FER: variants seen among roughly 807,000 people sequenced by gnomAD.
FER encodes FER tyrosine kinase.
In FER, 63 loss-of-function variants were observed where a neutral mutation model predicts 111.0. The observed-to-expected ratio is 0.57, with a 90% CI of 0.46 to 0.70. FER has a LOEUF of 0.70. Among genes scored for constraint, FER ranks in the 30% least tolerant of loss-of-function variants. FER has a pLI of 0.00. For synonymous variants in FER, 327 were observed against 313.9 expected, an observed-to-expected ratio of 1.04 and a Z score of -0.44; for missense variants, 914 against 954.0, an observed-to-expected ratio of 0.96 and a Z score of 0.55.
intron 17 of FER, among the ~76,000 whole-genome samples, chr5:109,101,873 A>C (rs898159434): frequency 6.6e-6 from 1 of 152,098 alleles, no homozygotes; most frequent in Non-Finnish European, 1.5e-5. Flanking sequence ...AGGTGCTTCA[A>C]ATTCTCTCTG....
chr5:109,035,273 A>G (rs1422272242), intron 13 of FER, among the ~76,000 whole-genome samples: 1 of 151,934 alleles, frequency 6.6e-6, no homozygotes. Flanking sequence ...CCCCCCGCAA[A>G]GTTGCTTCTT....
intron 17 of FER, among the ~76,000 whole-genome samples, chr5:109,132,712 G>T (rs530871815): frequency 6.6e-6 from 1 of 152,290 alleles, no homozygotes; most frequent in South Asian, 2.1e-4. Flanking sequence ...TCTGGGTAGA[G>T]GTTTGGAGGA....
chr5:108,860,082 C>T (rs975712451), intron 5 of FER, among the ~76,000 whole-genome samples: 4 of 151,804 alleles, frequency 2.6e-5, no homozygotes, highest in Admixed American at 6.6e-5. Context: ...GCTGGGACTA[C>T]AGGTGTGCAC....
chr5:109,177,044 G>T (rs760323851), intron 17 of FER, among the ~76,000 whole-genome samples: 1 of 152,100 alleles, frequency 6.6e-6, no homozygotes, highest in Non-Finnish European at 1.5e-5. Flanking sequence ...GATGGGAAAC[G>T]TTTGGTCACA....
intron 16 of FER, among the ~76,000 whole-genome samples, chr5:109,053,377 C>T (rs753153386): frequency 3.0e-4 from 36 of 119,070 alleles, no homozygotes; most frequent in Admixed American, 4.4e-4. Context: ...AGTGAGACTC[C>T]GTCTCAAAAA....
chr5:108,855,496 C>G (rs1029985222), intron 5 of FER, among the ~76,000 whole-genome samples: 6 of 151,076 alleles, frequency 4.0e-5, no homozygotes, highest in Non-Finnish European at 8.8e-5. Context: ...TGGTGGGCGC[C>G]TGTAGTCCCA....
intron 16 of FER, among the ~76,000 whole-genome samples, chr5:109,090,322 C>G (rs1392597221): frequency 6.6e-6 from 1 of 152,116 alleles, no homozygotes; most frequent in Non-Finnish European, 1.5e-5. Context: ...CAGAGATTCC[C>G]CAAATATCTA....
intron 10 of FER, among the ~76,000 whole-genome samples, chr5:108,938,026 TCACACACA>T (rs201092702): frequency 0.047 from 6,171 of 130,762 alleles, 147 homozygotes; most frequent in South Asian, 0.051. Flanking sequence ...TATCTCTCTC[TCACACACA>T]CACACACACA....
intron 13 of FER, among the ~76,000 whole-genome samples, chr5:108,975,383 G>A (rs1375701332): frequency 6.6e-6 from 1 of 152,096 alleles, no homozygotes; most frequent in African/African-American, 2.4e-5. Context: ...AAACATGCAT[G>A]TTCTGTACAT....
At chr5:109,122,601 C>T (rs1207818075) in intron 17 of FER, among the ~76,000 whole-genome samples, 1 of 151,368 alleles carries the variant, frequency 6.6e-6, no homozygotes, top group Admixed American at 6.6e-5. Context: ...TATATAGTGC[C>T]GATTAAGTTC....
intron 13 of FER, among the ~76,000 whole-genome samples, chr5:108,993,405 C>A (rs527801681): frequency 6.6e-6 from 1 of 151,934 alleles, no homozygotes; most frequent in Non-Finnish European, 1.5e-5. Flanking sequence ...CAGGCGTGGC[C>A]GCGCGCGCCT....
At chr5:108,838,756 C>A (rs1264335109) in intron 5 of FER, among the ~76,000 whole-genome samples, 1 of 152,040 alleles carries the variant, frequency 6.6e-6, no homozygotes, top group Non-Finnish European at 1.5e-5. Context: ...ATTAAATGCA[C>A]CTTAAAATAA....
At chr5:108,852,091 A>G (rs573511971) in intron 5 of FER, among the ~76,000 whole-genome samples, 3 of 152,334 alleles carry the variant, frequency 2.0e-5, no homozygotes, top group Admixed American at 6.5e-5. Context: ...GGTAAACCCA[A>G]TGATAATTTA....
intron 17 of FER, among the ~76,000 whole-genome samples, chr5:109,115,397 G>A (rs573944463): frequency 2.4e-4 from 36 of 152,248 alleles, no homozygotes; most frequent in Non-Finnish European, 2.9e-5. Flanking sequence ...TATTTTCCAA[G>A]TAATACTGCC....
At chr5:109,060,787 T>TATATATATATATATAC (rs571418220) in intron 16 of FER, among the ~76,000 whole-genome samples, 84 of 149,808 alleles carry the variant, frequency 5.6e-4, no homozygotes, top group Middle Eastern at 3.4e-3. Context: ...TATATATATA[T>TATATATATATATATAC]ACACACCAAA....
intron 1 of FER, among the ~76,000 whole-genome samples, chr5:108,761,605 A>T (rs552088146): frequency 6.6e-6 from 1 of 152,326 alleles, no homozygotes; most frequent in Admixed American, 6.5e-5. Flanking sequence ...TGTAACACAG[A>T]GGCGTGAAAT....
chr5:108,925,484 A>G (rs1753611267), intron 10 of FER, among the ~76,000 whole-genome samples: 1 of 152,062 alleles, frequency 6.6e-6, no homozygotes, highest in Non-Finnish European at 1.5e-5. Context: ...ATATAGCCCT[A>G]TTTTAAATCT....
chr5:109,173,353 CAG>C (rs1456995042), intron 17 of FER, among the ~76,000 whole-genome samples: 1 of 152,322 alleles, frequency 6.6e-6, no homozygotes, highest in East Asian at 1.9e-4. Context: ...TCTGTTTCTC[CAG>C]AGAGAGGAAT....
At chr5:109,136,361 A>C (rs966964633) in intron 17 of FER, among the ~76,000 whole-genome samples, 5 of 152,200 alleles carry the variant, frequency 3.3e-5, no homozygotes, top group African/African-American at 4.8e-5. Context: ...TTAAAGCATA[A>C]GAGAATTTTT....
Sources: gnomAD v4.1 joint callset for allele counts (sites outside exome capture counted in the v4.1 genomes callset) on GRCh38, gnomAD v4.1.1 for gene constraint, MANE v1.5 for transcripts, NCBI Gene and HGNC (gene_info 2026-07-23, HGNC 2026-07-21) for gene names.